Variants in FHIT observed in about 807,000 individuals in gnomAD.
FHIT encodes fragile histidine triad diadenosine triphosphatase.
FHIT carries 19 observed loss-of-function variants against 17.9 expected under a neutral mutation model. That is an observed-to-expected ratio of 1.06 (90% CI 0.74 to 1.56). The LOEUF (loss-of-function observed/expected upper bound fraction) is 1.56, where lower values mean the gene tolerates loss of function less well. Ranked by LOEUF, FHIT falls within the 40% of genes most tolerant of loss-of-function variation. The pLI, the probability that FHIT is intolerant of heterozygous loss-of-function variation, is 0.00. For synonymous variants in FHIT, 81 were observed against 69.7 expected, an observed-to-expected ratio of 1.16 and a Z score of -0.81; for missense variants, 248 against 189.2, an observed-to-expected ratio of 1.31 and a Z score of -1.82.
chr3:61,214,417 T>A (rs910903302), intron 1 of FHIT, among the ~76,000 whole-genome samples: 24 of 152,312 alleles, frequency 1.6e-4, no homozygotes, highest in Admixed American at 1.6e-3. Flanking sequence ...AAGAAATGGA[T>A]AAATTCCTCG....
At chr3:60,060,370 G>C (rs1005163517) in intron 5 of FHIT, among the ~76,000 whole-genome samples, 2 of 152,138 alleles carry the variant, frequency 1.3e-5, no homozygotes, top group African/African-American at 4.8e-5. Flanking sequence ...TAAATCCTGT[G>C]TTATTGATTG....
chr3:60,221,697 C>T (rs1350652955), intron 5 of FHIT, among the ~76,000 whole-genome samples: 1 of 152,002 alleles, frequency 6.6e-6, no homozygotes, highest in African/African-American at 2.4e-5. Context: ...CCAGTCATTC[C>T]ACACTTTTAG....
At chr3:59,912,023 G>T (rs1704903441) in intron 8 of FHIT, among the ~76,000 whole-genome samples, 1 of 152,288 alleles carries the variant, frequency 6.6e-6, no homozygotes, top group East Asian at 1.9e-4. Flanking sequence ...TGAATCTCAG[G>T]TCTGTTTCTT....
chr3:60,319,187 T>A (rs1365886706), intron 5 of FHIT, among the ~76,000 whole-genome samples: 2 of 152,138 alleles, frequency 1.3e-5, no homozygotes, highest in Non-Finnish European at 2.9e-5. Context: ...TGGACATACT[T>A]GGGGGCCATC....
intron 4 of FHIT, among the ~76,000 whole-genome samples, chr3:60,699,443 C>G (rs1553701469): frequency 6.6e-6 from 1 of 152,048 alleles, no homozygotes; most frequent in African/African-American, 2.4e-5. Context: ...CATTATTGCT[C>G]TAATTATTAT....
chr3:60,486,869 C>T (rs2033865198), intron 5 of FHIT, among the ~76,000 whole-genome samples: 1 of 152,094 alleles, frequency 6.6e-6, no homozygotes, highest in South Asian at 2.1e-4. Context: ...TCAGTTAAAA[C>T]CACTGCCCTA....
intron 3 of FHIT, among the ~76,000 whole-genome samples, chr3:61,010,925 A>G (rs2031752826): frequency 6.6e-6 from 1 of 152,238 alleles, no homozygotes; most frequent in Non-Finnish European, 1.5e-5. Flanking sequence ...ATGTAGGAGT[A>G]ATGGCATAAT....
At chr3:60,604,078 G>A (rs191424643) in intron 4 of FHIT, among the ~76,000 whole-genome samples, 2 of 152,294 alleles carry the variant, frequency 1.3e-5, no homozygotes, top group African/African-American at 4.8e-5. Context: ...TCAGTAGGAA[G>A]TACTTATAGC....
intron 5 of FHIT, among the ~76,000 whole-genome samples, chr3:60,124,005 TATATAGAGAGAGAGAG>T (rs1705402519): frequency 3.8e-4 from 8 of 20,914 alleles, no homozygotes; most frequent in African/African-American, 1.6e-3. Context: ...TATATATATA[TATATAGAGAGAGAGAG>T]AGAGAGAGAG....
At chr3:61,209,632 G>A (rs1054738244) in intron 1 of FHIT, among the ~76,000 whole-genome samples, 5 of 152,218 alleles carry the variant, frequency 3.3e-5, no homozygotes, top group East Asian at 3.9e-4. Flanking sequence ...CGTTCGTCAC[G>A]TGGTTCTCGT....
At chr3:61,207,052 C>A (rs1225368489) in intron 1 of FHIT, among the ~76,000 whole-genome samples, 2 of 152,088 alleles carry the variant, frequency 1.3e-5, no homozygotes, top group Non-Finnish European at 1.5e-5. Flanking sequence ...TTGTCAAAGG[C>A]CTTTTCTGCA....
intron 3 of FHIT, among the ~76,000 whole-genome samples, chr3:60,927,884 AAAAG>A (rs1707735027): frequency 1.3e-5 from 2 of 152,220 alleles, no homozygotes; most frequent in African/African-American, 4.8e-5. Context: ...AAATGTGGGG[AAAAG>A]AAAGAGAGAT....
intron 3 of FHIT, among the ~76,000 whole-genome samples, chr3:60,887,694 T>G (rs967981211): frequency 7.2e-5 from 11 of 151,966 alleles, no homozygotes; most frequent in Admixed American, 7.2e-4. Flanking sequence ...AATTTTAAGC[T>G]CCCTTTTACC....
intron 5 of FHIT, among the ~76,000 whole-genome samples, chr3:60,310,428 T>G (rs2106754649): frequency 6.6e-6 from 1 of 152,090 alleles, no homozygotes; most frequent in Non-Finnish European, 1.5e-5. Flanking sequence ...TAAGGCCAAG[T>G]GAGAAAGACC....
chr3:59,936,880 G>C (rs1381487574), intron 7 of FHIT, among the ~76,000 whole-genome samples: 1 of 152,166 alleles, frequency 6.6e-6, no homozygotes, highest in Non-Finnish European at 1.5e-5. Context: ...GAAACCTGGA[G>C]AGGTCAGCCA....
At chr3:61,019,564 T>C (rs1434113875) in intron 3 of FHIT, among the ~76,000 whole-genome samples, 1 of 152,238 alleles carries the variant, frequency 6.6e-6, no homozygotes, top group Non-Finnish European at 1.5e-5. Context: ...TGGCACCTAA[T>C]GAGGTTCCAA....
chr3:59,795,172 G>A (rs1431169084), intron 8 of FHIT, among the ~76,000 whole-genome samples: 1 of 152,062 alleles, frequency 6.6e-6, no homozygotes, highest in African/African-American at 2.4e-5. Context: ...GATTACTTGA[G>A]GTCAGGAGTT....
At chr3:60,482,290 A>G (rs2033644352) in intron 5 of FHIT, among the ~76,000 whole-genome samples, 2 of 152,190 alleles carry the variant, frequency 1.3e-5, no homozygotes, top group African/African-American at 4.8e-5. Context: ...GAGGATATTC[A>G]GGACATAAAC....
intron 4 of FHIT, among the ~76,000 whole-genome samples, chr3:60,577,593 A>T (rs2107674215): frequency 6.6e-6 from 1 of 152,300 alleles, no homozygotes; most frequent in East Asian, 1.9e-4. Context: ...TGTAAGAAAA[A>T]GGTTGCAGAG....
Sources: gnomAD v4.1 joint callset for allele counts (sites outside exome capture counted in the v4.1 genomes callset) on GRCh38, gnomAD v4.1.1 for gene constraint, MANE v1.5 for transcripts, NCBI Gene and HGNC (gene_info 2026-07-23, HGNC 2026-07-21) for gene names.